The following DIP2A variants were observed in gnomAD, a reference collection of about 807,000 sequenced individuals.
The protein encoded by DIP2A is disco-interacting protein 2 homolog A.
In DIP2A, 85 loss-of-function variants were observed where a neutral mutation model predicts 177.4. That is an observed-to-expected ratio of 0.48 (90% CI 0.40 to 0.57). The LOEUF is 0.57. DIP2A is among the 20% of genes least tolerant of loss of function. The pLI is 0.00. For synonymous variants in DIP2A, 886 were observed against 881.8 expected (o/e 1.00, Z -0.08); for missense variants, 1,791 against 2,100.2 (o/e 0.85, Z 2.88).
chr21:46,532,565 G>T (rs2059398051), intron 10 of DIP2A, among the ~76,000 whole-genome samples: 1 of 152,096 alleles, frequency 6.6e-6, no homozygotes, highest in Non-Finnish European at 1.5e-5. Context: ...ATAGAATTAT[G>T]ATTCAATAAG....
the DIP2A span, among the ~76,000 whole-genome samples, chr21:46,579,759 G>C: frequency 5.4e-3 from 825 of 152,250 alleles, 9 homozygotes; most frequent in African/African-American, 0.019. Context: ...GTAGTTGTGT[G>C]GTTTTGAGTG....
chr21:46,464,587 A>G (rs1192981643), intron 1 of DIP2A, among the ~76,000 whole-genome samples: 1 of 152,188 alleles, frequency 6.6e-6, no homozygotes, highest in Non-Finnish European at 1.5e-5. Context: ...ACTAGCATCT[A>G]GCAAGGACTT....
Position 46,497,121 on chromosome 21 carries a change from A to G in DIP2A, c.403+14A>G. ...ACACCCCTCCAGGTATTGATAAACA[A>G]TGTCAAGTGTGGCTTTTTTTTGAGT... On this transcript the variant is annotated intron_variant, in intron 4 of 37. Coordinates refer to ENST00000417564, the MANE Select transcript of DIP2A (RefSeq NM_015151.4). 1 of 1,537,124 alleles carries G rather than the reference A, an allele frequency of 6.5e-7. No homozygotes were observed. The highest frequency in any genetic ancestry group is 8.7e-7 in the Non-Finnish European group (1 of 1,150,868).
chr21:46,577,580 G>A, the DIP2A span, among the ~76,000 whole-genome samples: 1 of 152,016 alleles, frequency 6.6e-6, no homozygotes, highest in Non-Finnish European at 1.5e-5. Context: ...CTCCAACTTC[G>A]TTCTTTTTGC....
rs1569043246 is a variant in DIP2A at position 46,528,568 on chromosome 21, T to TTA, written c.1103-524_1103-523insTA. Among the ~76,000 whole-genome samples, 16 of 90,636 alleles carry TTA rather than the reference T, an allele frequency of 1.8e-4. 2 individuals are homozygous for TTA. The highest frequency in any genetic ancestry group is 4.5e-4 in the East Asian group (1 of 2,220). 59.5% of individuals were successfully genotyped at this position (90,636 alleles called of 152,430 possible). A position where few individuals can be genotyped will look rare whatever the true frequency, so the allele number is the denominator to read the frequency against. ...TTTTTTTTTTTTTTTTTTTTTTTTT[T>TTA]AGATAATGTCTTTATTGCCCAGGCT... On this transcript the variant is annotated intron_variant, in intron 8 of 37. Coordinates refer to ENST00000417564, the MANE Select transcript of DIP2A (RefSeq NM_015151.4).
At chr21:46,582,643 TAGTC>T in the DIP2A span, among the ~76,000 whole-genome samples, 1 of 152,060 alleles carries the variant, frequency 6.6e-6, no homozygotes, top group Non-Finnish European at 1.5e-5. Flanking sequence ...GCCAACCACC[TAGTC>T]AGTCTCAATG....
intron 1 of DIP2A, among the ~76,000 whole-genome samples, chr21:46,474,475 G>A (rs1174558784): frequency 6.6e-6 from 1 of 152,212 alleles, no homozygotes; most frequent in Non-Finnish European, 1.5e-5. Flanking sequence ...AGAGACTGCA[G>A]GGAAGACTGA....
intron 25 of DIP2A, among the ~76,000 whole-genome samples, chr21:46,552,132 T>G (rs902291411): frequency 4.6e-5 from 7 of 152,218 alleles, no homozygotes; most frequent in African/African-American, 1.7e-4. Flanking sequence ...TCCTTTCTTG[T>G]TTTCCACACA....
intron 18 of DIP2A, among the ~76,000 whole-genome samples, chr21:46,543,454 C>A (rs978917704): frequency 4.0e-5 from 6 of 151,670 alleles, no homozygotes. Context: ...GTGCACACAG[C>A]GCTCCACCAG....
chr21:46,560,872 C>G (rs2148906742), intron 33 of DIP2A, 89 bp downstream of exon 33: 1 of 1,527,050 alleles, frequency 6.5e-7, no homozygotes, highest in Non-Finnish European at 8.8e-7. Context: ...CCCCCGGGAC[C>G]CAGGCATTAG....
At chr21:46,525,463 G>C (rs919951183) in intron 8 of DIP2A, among the ~76,000 whole-genome samples, 1 of 152,184 alleles carries the variant, frequency 6.6e-6, no homozygotes, top group Non-Finnish European at 1.5e-5. Flanking sequence ...CCACACATGG[G>C]TGGATCTGTT....
At chr21:46,517,063 T>C (rs1341304906) in intron 8 of DIP2A, among the ~76,000 whole-genome samples, 19 of 126,082 alleles carry the variant, frequency 1.5e-4, no homozygotes, top group Non-Finnish European at 2.9e-4. Context: ...TCTTTTTTTT[T>C]TTTTTTTTTT....
At chr21:46,530,815 G>C (rs2059325975) in intron 9 of DIP2A, among the ~76,000 whole-genome samples, 1 of 152,162 alleles carries the variant, frequency 6.6e-6, no homozygotes, top group African/African-American at 2.4e-5. Flanking sequence ...AGAGCTTTCA[G>C]GGGAAAAGTA....
intron 28 of DIP2A, chr21:46,555,705 G>T (rs1404022632): frequency 1.5e-5 from 7 of 463,990 alleles, no homozygotes; most frequent in Non-Finnish European, 2.4e-5. Flanking sequence ...CTTTCCTACT[G>T]GTCAGTGACG....
Position 46,567,602 on chromosome 21 carries a change from T to A in DIP2A, c.4696T>A (p.Tyr1566Asn). 6.2e-7 allele frequency: 1 copy of A among 1,604,268 alleles called. No homozygotes were observed. The highest frequency in any genetic ancestry group is 1.1e-5 in the South Asian group (1 of 89,346). ...GFLADQLDPI[Y>N]VAYNM ...CCTGGCTGACCAGCTGGACCCCATC[T>A]ATGTCGCCTACAACATGTGAGCGCA... Residue 1566 changes from tyrosine to asparagine, a missense_variant, in exon 38 of 38, where the codon TAT becomes AAT. Coordinates refer to ENST00000417564, the MANE Select transcript of DIP2A (RefSeq NM_015151.4).
intron 33 of DIP2A, 35 bp from the exon 34 acceptor site, chr21:46,561,713 A>G: frequency 6.2e-7 from 1 of 1,613,302 alleles, no homozygotes; most frequent in Non-Finnish European, 8.5e-7. Flanking sequence ...CCTGTGTAGT[A>G]AATTTTGTAC....
intron 1 of DIP2A, among the ~76,000 whole-genome samples, chr21:46,461,490 C>T (rs1420088641): frequency 6.6e-6 from 1 of 152,070 alleles, no homozygotes; most frequent in Non-Finnish European, 1.5e-5. Context: ...ATTTCTGCTC[C>T]AATGTATTCA....
intron 3 of DIP2A, among the ~76,000 whole-genome samples, chr21:46,493,673 ATTG>A (rs1426264306): frequency 2.0e-5 from 3 of 152,080 alleles, no homozygotes; most frequent in Non-Finnish European, 4.4e-5. Flanking sequence ...AGCTTTTAGA[ATTG>A]TTCTGTGTCT....
rs759868600 is a variant in DIP2A, at chr21:46,567,523, G to A, written c.4617G>A (p.Val1539=). Residue 1539 remains valine (V), a synonymous_variant, in exon 38 of 38, where the codon GTG becomes GTA. Transcript: ENST00000417564. ...VGVVVIVDPG[V]IPINSRGEKQ... Reference sequence around the variant, plus strand: ...TGGTGGTCATCGTGGACCCAGGGGTGATCCCTATCAACTCTCGGGGTGAGA... The same window carrying A: ...TGGTGGTCATCGTGGACCCAGGGGTAATCCCTATCAACTCTCGGGGTGAGA... 9 of 1,613,892 alleles carry A rather than the reference G, an allele frequency of 5.6e-6. No individual in the cohort carries two copies. The South Asian group carries it at 9.9e-5, about 18-fold the overall frequency.
Sources: allele counts gnomAD v4.1 joint callset (sites outside exome capture counted in the v4.1 genomes callset), GRCh38; gene constraint gnomAD v4.1.1; transcripts MANE v1.5; gene names NCBI Gene and HGNC (gene_info 2026-07-23, HGNC 2026-07-21).